The following APBB2 variants were observed in gnomAD, a reference collection of about 807,000 sequenced individuals.
APBB2 encodes the protein amyloid beta precursor protein binding family B member 2, also known as Fe65-like 1.
A neutral mutation model predicts 82.5 loss-of-function variants in APBB2; 38 were observed. That is an observed-to-expected ratio of 0.46 (90% CI 0.36 to 0.60). APBB2 has a LOEUF of 0.60. Ranked by LOEUF, APBB2 falls within the 20% of genes least tolerant of loss-of-function variation. The pLI is 0.00. For missense variants in APBB2, 772 were observed against 972.3 expected (o/e 0.79, Z 2.74); for synonymous variants, 341 against 368.2 (o/e 0.93, Z 0.85).
chr4:41,086,838 T>C (rs1440628303), intron 3 of APBB2, among the ~76,000 whole-genome samples: 2 of 151,554 alleles, frequency 1.3e-5, no homozygotes. Context: ...AAAAAAAAAA[T>C]TCACCTAAAT....
chr4:41,166,022 C>T (rs1034064107), intron 1 of APBB2, among the ~76,000 whole-genome samples: 4 of 151,624 alleles, frequency 2.6e-5, no homozygotes, highest in Middle Eastern at 6.4e-3. Flanking sequence ...TACAGGCGCC[C>T]GCCACCACGC....
At chr4:40,982,387 G>GAAGGGAAAGGAAAGGAAAGGA (rs1560448947) in intron 6 of APBB2, among the ~76,000 whole-genome samples, 2 of 11,008 alleles carry the variant, frequency 1.8e-4, no homozygotes, top group African/African-American at 5.1e-4. Flanking sequence ...AGGAAGGAAG[G>GAAGGGAAAGGAAAGGAAAGGA]AAGGAAAGGA....
chr4:41,030,263 A>G (rs1039260339), intron 5 of APBB2, among the ~76,000 whole-genome samples: 2 of 152,234 alleles, frequency 1.3e-5, no homozygotes, highest in African/African-American at 4.8e-5. Context: ...CATTCCCAAC[A>G]TAACACCTGG....
At chr4:41,027,341 A>G (rs1714728600) in intron 5 of APBB2, among the ~76,000 whole-genome samples, 1 of 146,570 alleles carries the variant, frequency 6.8e-6, no homozygotes, top group Non-Finnish European at 1.5e-5. Context: ...ACACATTTTT[A>G]TATTTTTATA....
intron 6 of APBB2, among the ~76,000 whole-genome samples, 200 bp downstream of exon 6, chr4:41,013,383 C>T (rs1437508495): frequency 2.0e-5 from 3 of 152,098 alleles, no homozygotes; most frequent in Non-Finnish European, 4.4e-5. Flanking sequence ...ACTTTATGCA[C>T]GATCCAAAAT....
chr4:40,935,202 G>GA (rs5857759), intron 7 of APBB2, 63 bp from the exon 8 acceptor site: 20,679 of 796,914 alleles, frequency 0.026, 336 homozygotes, highest in African/African-American at 0.14. Flanking sequence ...GAAAAGAAAA[G>GA]AAAAAAAAAA....
intron 5 of APBB2, among the ~76,000 whole-genome samples, chr4:41,023,222 C>G (rs970828829): frequency 6.6e-6 from 1 of 152,154 alleles, no homozygotes; most frequent in African/African-American, 2.4e-5. Context: ...ATCTGAAAAG[C>G]ATCAGGCATA....
At chr4:40,912,357 TCAC>T in intron 10 of APBB2, among the ~76,000 whole-genome samples, 1 of 152,140 alleles carries the variant, frequency 6.6e-6, no homozygotes, top group Non-Finnish European at 1.5e-5. Context: ...GGCGGGCGGA[TCAC>T]CAGGTCAGGA....
chr4:40,944,803 G>A (rs772712498), intron 7 of APBB2, 62 bp downstream of exon 7: 6 of 1,554,090 alleles, frequency 3.9e-6, no homozygotes, highest in Admixed American at 1.7e-5. Context: ...AGCAACCAGT[G>A]TAAAGAGAAA....
At chr4:40,973,611 A>G (rs1368237615) in intron 6 of APBB2, among the ~76,000 whole-genome samples, 1 of 152,202 alleles carries the variant, frequency 6.6e-6, no homozygotes, top group East Asian at 1.9e-4. Context: ...AACAACAGAA[A>G]TCTATCGTTC....
chr4:41,015,255 T>C (rs940221830), intron 5 of APBB2, among the ~76,000 whole-genome samples: 3 of 152,242 alleles, frequency 2.0e-5, no homozygotes, highest in Non-Finnish European at 4.4e-5. Context: ...ATTTATTCTA[T>C]ATGTCTCTCG....
intron 5 of APBB2, among the ~76,000 whole-genome samples, chr4:41,017,584 C>T (rs970575120): frequency 6.6e-6 from 1 of 152,194 alleles, no homozygotes; most frequent in Non-Finnish European, 1.5e-5. Flanking sequence ...GACAAGTAAA[C>T]TTGCCTACAG....
At position 41,214,517 on chromosome 4, in the gene APBB2, T is replaced by G. The variant is rs1780184606; in HGVS notation, c.-529A>C. 6.6e-6 allele frequency: 1 copy of G among 152,276 alleles called. No individual in the cohort carries two copies. The highest frequency in any genetic ancestry group is 6.5e-5 in the Admixed American group (1 of 15,290). 9.4% of individuals were successfully genotyped at this position (152,276 alleles called of 1,614,324 possible). A position where few individuals can be genotyped will look rare whatever the true frequency, so the allele number is the denominator to read the frequency against. ...GGTTACAGCGCACTAGCTTCCTACT[T>G]GAGACCAGAACGGGCTCCGGCAACT... On this transcript the variant is annotated 5_prime_UTR_variant, in exon 1 of 18. Transcript: ENST00000508593.
At chr4:41,000,814 T>C (rs1007151360) in intron 6 of APBB2, among the ~76,000 whole-genome samples, 1 of 152,026 alleles carries the variant, frequency 6.6e-6, no homozygotes, top group African/African-American at 2.4e-5. Flanking sequence ...GTGTTCTGCA[T>C]AGAGTCCATT....
At chr4:41,179,330 C>T (rs760689656) in intron 1 of APBB2, among the ~76,000 whole-genome samples, 6 of 152,184 alleles carry the variant, frequency 3.9e-5, no homozygotes, top group Admixed American at 6.5e-5. Context: ...GTAAATCAAA[C>T]ACTAACACCT....
chr4:41,172,824 G>A (rs2154055137), intron 1 of APBB2, among the ~76,000 whole-genome samples: 3 of 152,336 alleles, frequency 2.0e-5, no homozygotes, highest in Middle Eastern at 6.8e-3. Flanking sequence ...CCAGGCAAAA[G>A]ATGCCAAGCT....
At position 41,014,227 on chromosome 4, in the gene APBB2, G is replaced by T. The variant is rs1441852244; in HGVS notation, c.191C>A (p.Pro64His). 3 of 1,614,050 alleles carry T rather than the reference G, an allele frequency of 1.9e-6. No homozygotes were observed. ...KHTETKNSTPPKCRKKYALTN... is the reference protein window; with the variant it reads ...KHTETKNSTPHKCRKKYALTN... ...TAGTGCATATTTTTTCCTGCATTTG[G>T]GAGGTGTGCTGTTCTTGGTTTCTGT... The change falls in exon 6 of 18, where the codon CCC (proline) becomes CAC (histidine). Residue 64 changes from proline (P) to histidine (H), a missense_variant. Transcript: ENST00000508593.
chr4:41,053,500 C>G (rs979749873), intron 4 of APBB2, among the ~76,000 whole-genome samples: 5 of 152,150 alleles, frequency 3.3e-5, no homozygotes, highest in African/African-American at 1.2e-4. Flanking sequence ...AAAGCAGCAG[C>G]TTGGAACTCA....
At chr4:40,908,089 C>CTG (rs150469779) in intron 10 of APBB2, among the ~76,000 whole-genome samples, 12 of 149,538 alleles carry the variant, frequency 8.0e-5, no homozygotes, top group South Asian at 2.1e-4. Context: ...GTGTATGTGT[C>CTG]TGTGTGTGTG....
Sources: gnomAD v4.1 joint callset for allele counts (sites outside exome capture counted in the v4.1 genomes callset) on GRCh38, gnomAD v4.1.1 for gene constraint, MANE v1.5 for transcripts, NCBI Gene and HGNC (gene_info 2026-07-23, HGNC 2026-07-21) for gene names.